Variants in MEI4 observed in about 807,000 individuals in gnomAD.
MEI4 encodes the protein meiosis-specific protein MEI4.
In MEI4, 27 loss-of-function variants were observed where a neutral mutation model predicts 31.4. The observed-to-expected ratio is 0.86, with a 90% CI of 0.63 to 1.19. The LOEUF (loss-of-function observed/expected upper bound fraction) is 1.19. Among genes scored for constraint, MEI4 ranks in the 50% most tolerant of loss-of-function variants. The pLI, the probability that MEI4 is intolerant of heterozygous loss-of-function variation, is 0.00. For synonymous variants in MEI4, 122 were observed against 145.4 expected, an observed-to-expected ratio of 0.84 and a Z score of 1.16; for missense variants, 329 against 398.9, an observed-to-expected ratio of 0.82 and a Z score of 1.49.
At chr6:77,712,821 A>G (rs1034469436) in intron 2 of MEI4, among the ~76,000 whole-genome samples, 1 of 151,856 alleles carries the variant, frequency 6.6e-6, no homozygotes, top group East Asian at 1.9e-4. Context: ...AATACAAAAA[A>G]CTAGCCGGGT....
chr6:77,697,412 A>G (rs1766079500), intron 2 of MEI4, among the ~76,000 whole-genome samples: 1 of 152,136 alleles, frequency 6.6e-6, no homozygotes, highest in South Asian at 2.1e-4. Context: ...TTAGTGCTAT[A>G]AATTTCCCTC....
intron 4 of MEI4, among the ~76,000 whole-genome samples, chr6:77,922,447 A>T (rs909210256): frequency 6.6e-6 from 1 of 151,604 alleles, no homozygotes; most frequent in Admixed American, 6.6e-5. Context: ...GCCAGTTTTC[A>T]TTTTTATACT....
intron 4 of MEI4, among the ~76,000 whole-genome samples, chr6:77,880,886 T>TA (rs397946655): frequency 0.01 from 1,516 of 145,858 alleles, 14 homozygotes; most frequent in African/African-American, 0.03. Context: ...GCTCTGGATC[T>TA]AAAAAAAAAA....
At chr6:77,810,856 G>A (rs1769560679) in intron 3 of MEI4, among the ~76,000 whole-genome samples, 1 of 151,972 alleles carries the variant, frequency 6.6e-6, no homozygotes, top group Non-Finnish European at 1.5e-5. Context: ...TTTATCTTGT[G>A]GAATCCATGG....
At position 77,802,216 on chromosome 6, in the gene MEI4, C is replaced by G. The variant is rs146047514; in HGVS notation, c.769-26715C>G. ...TTCTTGTTGAATTGATCCCTTTACC[C>G]TTATGTAATGGCCTTATTTGTCTCT... is the stretch of plus-strand genomic sequence containing the variant. On this transcript the variant is annotated intron_variant, in intron 3 of 4. Coordinates refer to ENST00000684080, the MANE Select transcript of MEI4 (RefSeq NM_001322247.2). 5.0e-3 allele frequency among the ~76,000 whole-genome samples: 764 copies of G among 152,128 alleles called. 2 individuals carry two copies. Among genetic ancestry groups the G allele is most frequent in the Middle Eastern group, 0.017 (5 of 294 alleles).
intron 4 of MEI4, among the ~76,000 whole-genome samples, chr6:77,907,992 G>GT (rs1562034001): frequency 2.4e-4 from 30 of 126,800 alleles, no homozygotes; most frequent in African/African-American, 3.5e-4. Context: ...TTGTTGATGG[G>GT]GTTTTTTTTT....
rs557674874 is a variant in MEI4 at position 77,701,026 on chromosome 6, T to C, written c.232+10123T>C. On this transcript the variant is annotated intron_variant, in intron 2 of 4. Transcript: ENST00000684080. ...GTGACACATTTCTCAAAACCTTTTT[T>C]GTGATGTGTGGCAGGTATGGTTAAT... 2.3e-3 allele frequency among the ~76,000 whole-genome samples: 349 copies of C among 152,326 alleles called. 3 individuals are homozygous for C. Among genetic ancestry groups the C allele is most frequent in the African/African-American group, 7.6e-3 (317 of 41,572 alleles).
intron 3 of MEI4, among the ~76,000 whole-genome samples, chr6:77,789,537 T>C (rs887846564): frequency 6.6e-6 from 1 of 151,978 alleles, no homozygotes; most frequent in Non-Finnish European, 1.5e-5. Context: ...AGAATCTAAA[T>C]GAACTCAAAC....
At chr6:77,688,958 A>T (rs912664680) in intron 1 of MEI4, among the ~76,000 whole-genome samples, 1 of 152,030 alleles carries the variant, frequency 6.6e-6, no homozygotes, top group Non-Finnish European at 1.5e-5. Context: ...CTATAATTCT[A>T]ATTAGTTTGT....
At chr6:77,878,595 G>T (rs1007122074) in intron 4 of MEI4, among the ~76,000 whole-genome samples, 1 of 151,974 alleles carries the variant, frequency 6.6e-6, no homozygotes, top group Non-Finnish European at 1.5e-5. Flanking sequence ...TATAATGAAT[G>T]TTTTCATTTC....
chr6:77,839,533 CT>C (rs1770307370), intron 4 of MEI4, among the ~76,000 whole-genome samples: 1 of 152,144 alleles, frequency 6.6e-6, no homozygotes, highest in African/African-American at 2.4e-5. Flanking sequence ...ATAGCAGAGG[CT>C]TTGATAACAG....
At chr6:77,845,384 GTGTT>G (rs1231463086) in intron 4 of MEI4, among the ~76,000 whole-genome samples, 1 of 152,144 alleles carries the variant, frequency 6.6e-6, no homozygotes, top group Non-Finnish European at 1.5e-5. Flanking sequence ...GAGGGGGAGT[GTGTT>G]TATTACTTTC....
At chr6:77,679,037 T>C (rs11756090) in intron 1 of MEI4, among the ~76,000 whole-genome samples, 20,521 of 152,138 alleles carry the variant, frequency 0.13, 1,465 homozygotes, top group Middle Eastern at 0.2. Context: ...ACAATGTATA[T>C]ATGTTTCCAA....
chr6:77,922,772 TGACTCCTTGCCAAGTCACTGTTAA>T (rs914079632), intron 4 of MEI4, among the ~76,000 whole-genome samples: 2 of 151,738 alleles, frequency 1.3e-5, no homozygotes, highest in Non-Finnish European at 2.9e-5. Flanking sequence ...AACACTGGTA[TGACTCCTTGCCAAGTCACTGTTAA>T]GACCCCTTGC....
At chr6:77,666,882 T>TGC (rs1554208068) in intron 1 of MEI4, among the ~76,000 whole-genome samples, 16 of 133,896 alleles carry the variant, frequency 1.2e-4, no homozygotes, top group South Asian at 2.6e-4. Context: ...TGTGTGTGTG[T>TGC]GCGTGCGTGC....
At chr6:77,722,049 T>A (rs1297668681) in intron 2 of MEI4, among the ~76,000 whole-genome samples, 1 of 123,916 alleles carries the variant, frequency 8.1e-6, no homozygotes, top group African/African-American at 3.0e-5. Context: ...GCTGGTTCTT[T>A]ATTATTTATG....
intron 3 of MEI4, among the ~76,000 whole-genome samples, chr6:77,770,480 A>C (rs1768284690): frequency 6.6e-6 from 1 of 152,030 alleles, no homozygotes; most frequent in African/African-American, 2.4e-5. Flanking sequence ...TCAAAATACC[A>C]ATCTTATTCT....
intron 2 of MEI4, among the ~76,000 whole-genome samples, chr6:77,738,992 C>T (rs1767326068): frequency 6.6e-6 from 1 of 152,088 alleles, no homozygotes; most frequent in African/African-American, 2.4e-5. Context: ...AGATCTTTGT[C>T]AGATGGGTAG....
At position 77,830,407 on chromosome 6, in the gene MEI4, G is replaced by A. The variant is rs936417891; in HGVS notation, c.900+1345G>A. On this transcript the variant is annotated intron_variant, in intron 4 of 4. Coordinates refer to ENST00000684080, the MANE Select transcript of MEI4 (RefSeq NM_001322247.2). ...AATATTCGCAATAGCTCCATGAAGC[G>A]GTTATAATTTTCACAAACTTTATGG... Among the ~76,000 whole-genome samples, 20 of 151,984 alleles carry A rather than the reference G, an allele frequency of 1.3e-4. 1 individual carries two copies. The highest frequency in any genetic ancestry group is 9.8e-4 in the Admixed American group (15 of 15,244).
Sources: gnomAD v4.1 joint callset for allele counts (sites outside exome capture counted in the v4.1 genomes callset) on GRCh38, gnomAD v4.1.1 for gene constraint, MANE v1.5 for transcripts, NCBI Gene and HGNC (gene_info 2026-07-23, HGNC 2026-07-21) for gene names.